The following ARMC3 variants were observed in gnomAD, a reference collection of about 807,000 sequenced individuals.
The protein encoded by ARMC3 is armadillo repeat containing 3.
In ARMC3, 74 loss-of-function variants were observed where a neutral mutation model predicts 90.3. The ratio of observed to expected loss-of-function variants is 0.82; its 90% confidence interval spans 0.68 to 0.99. The LOEUF (loss-of-function observed/expected upper bound fraction) is 0.99. Among genes scored for constraint, ARMC3 ranks in the 50% least tolerant of loss-of-function variants. The pLI, the probability that ARMC3 is intolerant of heterozygous loss-of-function variation, is 0.00. For missense variants in ARMC3, 958 were observed against 1,042.8 expected, an observed-to-expected ratio of 0.92 and a Z score of 1.12; for synonymous variants, 334 against 361.8, an observed-to-expected ratio of 0.92 and a Z score of 0.87.
At chr10:22,952,325 A>G (rs1426553074) in intron 3 of ARMC3, among the ~76,000 whole-genome samples, 1 of 152,172 alleles carries the variant, frequency 6.6e-6, no homozygotes, top group Non-Finnish European at 1.5e-5. Context: ...GAGAAGACAA[A>G]TTATCCATAT....
chr10:22,971,354 A>C (rs528277832), intron 8 of ARMC3, among the ~76,000 whole-genome samples: 1 of 152,230 alleles, frequency 6.6e-6, no homozygotes, highest in East Asian at 1.9e-4. Flanking sequence ...GTGGGTATAC[A>C]GATATCTCTT....
At chr10:22,998,957 A>T (rs1386238100) in intron 11 of ARMC3, among the ~76,000 whole-genome samples, 1 of 152,238 alleles carries the variant, frequency 6.6e-6, no homozygotes, top group African/African-American at 2.4e-5. Flanking sequence ...AATTGAGGGA[A>T]TGCTGAATCC....
chr10:22,950,159 A>C (rs1256733979), intron 3 of ARMC3, among the ~76,000 whole-genome samples: 1 of 152,140 alleles, frequency 6.6e-6, no homozygotes, highest in Non-Finnish European at 1.5e-5. Flanking sequence ...TTTAGGCAGA[A>C]GGAAACTAAC....
At position 23,003,361 on chromosome 10, in the gene ARMC3, G is replaced by T. The variant is rs1471928902; in HGVS notation, c.1678G>T (p.Gly560Cys). Residue 560 changes from glycine (G) to cysteine (C), a missense_variant, in exon 13 of 19, where the codon GGC (glycine) becomes TGC (cysteine). By Grantham distance (159) the Gly-to-Cys change is radical. Transcript: ENST00000298032. ...NNLSLKYSQT[G>C]YLSSSNIIND... ...TCTTTCCCTGAAATACAGCCAGACT[G>T]GCTATTTGTCATCAAGTAACATAAT... 2.5e-6 allele frequency: 4 copies of T among 1,612,106 alleles called. No individual in the cohort carries two copies. The highest frequency in any genetic ancestry group is 3.4e-6 in the Non-Finnish European group (4 of 1,179,174).
At chr10:22,965,458 G>T in intron 7 of ARMC3, among the ~76,000 whole-genome samples, 1 of 152,104 alleles carries the variant, frequency 6.6e-6, no homozygotes, top group African/African-American at 2.4e-5. Flanking sequence ...TTCTTTGGCT[G>T]CTTTCAACAC....
Position 22,973,395 on chromosome 10 carries a change from T to A in ARMC3, c.916+4906T>A, listed in dbSNP as rs369181988. 3.3e-5 allele frequency among the ~76,000 whole-genome samples: 5 copies of A among 150,880 alleles called. No individual in the cohort carries two copies. The South Asian group carries it at 6.2e-4, about 19-fold the overall frequency. ...AACTTTGCTTTGGACTAGTATTGCA[T>A]ATTCTTTGAGGCCTGGTATAGGATC... On this transcript the variant is annotated intron_variant, in intron 8 of 18. Coordinates refer to ENST00000298032, the MANE Select transcript of ARMC3 (RefSeq NM_173081.5).
intron 6 of ARMC3, 27 bp from the exon 7 acceptor site, chr10:22,961,857 T>G (rs1259780984): frequency 6.5e-7 from 1 of 1,538,934 alleles, no homozygotes; most frequent in Non-Finnish European, 8.7e-7. Flanking sequence ...CTTAAAAAAA[T>G]TATTGATCAT....
At chr10:22,988,736 T>A (rs1178684901) in intron 10 of ARMC3, among the ~76,000 whole-genome samples, 2 of 152,168 alleles carry the variant, frequency 1.3e-5, no homozygotes, top group African/African-American at 4.8e-5. Flanking sequence ...TAGACATGTG[T>A]CCCATCACCC....
At chr10:22,968,036 C>G (rs1236122727) in intron 7 of ARMC3, among the ~76,000 whole-genome samples, 1 of 152,194 alleles carries the variant, frequency 6.6e-6, no homozygotes, top group Non-Finnish European at 1.5e-5. Context: ...GTATGAGCAA[C>G]TTCATTGACT....
At chr10:23,003,503 C>T (rs911671992) in intron 13 of ARMC3, 89 bp downstream of exon 13, 3 of 1,032,964 alleles carry the variant, frequency 2.9e-6, no homozygotes, top group Admixed American at 5.8e-5. Context: ...TTCATCATCA[C>T]CTAATGTAAT....
rs79456092 is a variant in ARMC3 at position 22,977,997 on chromosome 10, A to G, written c.917-3343A>G. 4.0e-3 allele frequency among the ~76,000 whole-genome samples: 610 copies of G among 152,300 alleles called. 1 individual carries two copies. Among genetic ancestry groups the G allele is most frequent in the Middle Eastern group, 0.017 (5 of 292 alleles). ...GACCAGAACACAATATTAGGGCAGA[A>G]CCAACATCTTTGAGGCCAGTGCTAG... is the stretch of plus-strand genomic sequence containing the variant. On this transcript the variant is annotated intron_variant, in intron 8 of 18. Transcript: ENST00000298032.
intron 16 of ARMC3, 108 bp from the exon 17 acceptor site, chr10:23,030,488 G>T: frequency 6.7e-7 from 1 of 1,482,554 alleles, no homozygotes; most frequent in Non-Finnish European, 8.9e-7. Context: ...TGTTGCTCAA[G>T]GGTTCACTGT....
At chr10:22,979,571 G>T (rs532985943) in intron 8 of ARMC3, among the ~76,000 whole-genome samples, 1 of 152,110 alleles carries the variant, frequency 6.6e-6, no homozygotes, top group South Asian at 2.1e-4. Context: ...TTTCCTGATA[G>T]AATCCATGCT....
intron 2 of ARMC3, among the ~76,000 whole-genome samples, chr10:22,942,516 A>G (rs1834360954): frequency 6.6e-6 from 1 of 152,218 alleles, no homozygotes; most frequent in African/African-American, 2.4e-5. Context: ...TACAATAACT[A>G]TGAAAAGCAG....
rs546830337 is a variant in ARMC3 at position 22,951,741 on chromosome 10, G to A, written c.167-4066G>A. Among the ~76,000 whole-genome samples, 145 of 151,918 alleles carry A rather than the reference G, an allele frequency of 9.5e-4. 5 individuals are homozygous for A. The South Asian group carries it at 0.029, about 30-fold the overall frequency. On this transcript the variant is annotated intron_variant, in intron 3 of 18. Coordinates refer to ENST00000298032, the MANE Select transcript of ARMC3 (RefSeq NM_173081.5). ...AAACACAGCAAAAGTGCCACTCAAA[G>A]TATTTAGAGAGAAGTTTATTGCACT...
Position 22,975,240 on chromosome 10 carries a change from A to G in ARMC3, c.917-6100A>G, listed in dbSNP as rs188197817. Among the ~76,000 whole-genome samples, 21 of 152,294 alleles carry G rather than the reference A, an allele frequency of 1.4e-4. No homozygotes were observed. The East Asian group carries it at 4.1e-3, about 29-fold the overall frequency. ...TAACTGGGTTTGGAATTGTTGCATC[A>G]TAACATTTCTCCTTAAATATCTATG... On this transcript the variant is annotated intron_variant, in intron 8 of 18. Coordinates refer to ENST00000298032, the MANE Select transcript of ARMC3 (RefSeq NM_173081.5).
intron 10 of ARMC3, among the ~76,000 whole-genome samples, chr10:22,982,371 C>T (rs1836232345): frequency 6.6e-6 from 1 of 152,204 alleles, no homozygotes; most frequent in Admixed American, 6.5e-5. Context: ...CAGAGCGAGG[C>T]TCCGCTTCAA....
At chr10:22,947,688 A>G (rs1413615276) in intron 3 of ARMC3, among the ~76,000 whole-genome samples, 9 of 152,230 alleles carry the variant, frequency 5.9e-5, no homozygotes, top group Non-Finnish European at 1.2e-4. Context: ...ATATTAGTTC[A>G]TTAACTGTAA....
At chr10:23,010,605 C>T in intron 16 of ARMC3, among the ~76,000 whole-genome samples, 1 of 127,878 alleles carries the variant, frequency 7.8e-6, no homozygotes, top group Non-Finnish European at 1.7e-5. Flanking sequence ...TTCTCTCTCC[C>T]TTCCTTCCCA....
Sources: allele counts gnomAD v4.1 joint callset (sites outside exome capture counted in the v4.1 genomes callset), GRCh38; gene constraint gnomAD v4.1.1; transcripts MANE v1.5; gene names NCBI Gene and HGNC (gene_info 2026-07-23, HGNC 2026-07-21).